Variants in MTCH2 observed in about 807,000 individuals in gnomAD.
MTCH2 encodes mitochondrial carrier homolog 2.
A neutral mutation model predicts 50.6 loss-of-function variants in MTCH2; 25 were observed. The observed-to-expected ratio is 0.49, with a 90% CI of 0.36 to 0.69. The LOEUF (loss-of-function observed/expected upper bound fraction) is 0.69. Among genes scored for constraint, MTCH2 ranks in the 30% least tolerant of loss-of-function variants. The probability of loss-of-function intolerance (pLI) is 0.00; values close to 1 mark genes in which losing one functional copy is unlikely to be tolerated. For synonymous variants in MTCH2, 106 were observed against 132.0 expected (o/e 0.80, Z 1.35); for missense variants, 273 against 384.4 (o/e 0.71, Z 2.42).
rs750348679 is a variant in MTCH2 at position 47,622,783 on chromosome 11, T to C, written c.750-7A>G. On this transcript the variant is annotated splice_region_variant and splice_polypyrimidine_tract_variant and intron_variant, in intron 11 of 12. Transcript: ENST00000302503. ...AGGGCATCCACCAGCAAGACTAAAATAGAAAAAAACATGGAGCTATTCATG... is the reference window on the plus strand; with the variant it reads ...AGGGCATCCACCAGCAAGACTAAAACAGAAAAAAACATGGAGCTATTCATG... 5.1e-6 allele frequency: 8 copies of C among 1,582,646 alleles called. No individual in the cohort carries two copies. The highest frequency in any genetic ancestry group is 6.9e-6 in the Non-Finnish European group (8 of 1,159,742).
intron 11 of MTCH2, 21 bp downstream of exon 11, chr11:47,625,653 T>A: frequency 8.1e-7 from 1 of 1,235,028 alleles, no homozygotes; most frequent in African/African-American, 2.3e-5. Context: ...CCTACTAGAA[T>A]AAGAAATACA....
chr11:47,614,104 AAC>A (rs2097286999), downstream of MTCH2, among the ~76,000 whole-genome samples: 1 of 149,226 alleles, frequency 6.7e-6, no homozygotes. Context: ...CAAACACAAA[AAC>A]ACAATGTGGT....
Sources: gnomAD v4.1 joint callset for allele counts (sites outside exome capture counted in the v4.1 genomes callset) on GRCh38, gnomAD v4.1.1 for gene constraint, MANE v1.5 for transcripts, NCBI Gene and HGNC (gene_info 2026-07-23, HGNC 2026-07-21) for gene names.